Variants in ZNF664 observed in about 807,000 individuals in gnomAD.
ZNF664 encodes zinc finger Organ of Corti 1.
Under a neutral mutation model 18.2 loss-of-function variants are expected in ZNF664, and 10 were observed. That is an observed-to-expected ratio of 0.55 (90% CI 0.34 to 0.93). The LOEUF is 0.93. ZNF664 is among the 40% of genes least tolerant of loss of function. ZNF664 has a pLI of 0.02. For missense variants in ZNF664, 193 were observed against 319.0 expected, an observed-to-expected ratio of 0.61 and a Z score of 3.01; for synonymous variants, 119 against 104.2, an observed-to-expected ratio of 1.14 and a Z score of -0.86.
At chr12:123,986,922 AC>A (rs924305988) in intron 2 of ZNF664, among the ~76,000 whole-genome samples, 1 of 152,182 alleles carries the variant, frequency 6.6e-6, no homozygotes, top group African/African-American at 2.4e-5. Context: ...TCTAAGTTGA[AC>A]CTTTATTCCC....
At chr12:124,008,795 T>A (rs1364353311) in intron 3 of ZNF664, among the ~76,000 whole-genome samples, 1 of 152,196 alleles carries the variant, frequency 6.6e-6, no homozygotes, top group Admixed American at 6.5e-5. Flanking sequence ...CTCAGTTGCA[T>A]GATTGGCTCT....
At chr12:123,977,095 C>T (rs1955082035) in intron 2 of ZNF664, among the ~76,000 whole-genome samples, 1 of 152,012 alleles carries the variant, frequency 6.6e-6, no homozygotes, top group Admixed American at 6.6e-5. Flanking sequence ...AAACAAAACC[C>T]CCACAAATCC....
chr12:123,993,903 C>T (rs1185111951), intron 3 of ZNF664, among the ~76,000 whole-genome samples: 1 of 152,148 alleles, frequency 6.6e-6, no homozygotes, highest in South Asian at 2.1e-4. Flanking sequence ...GAGTGGGGCA[C>T]CCATGATGTC....
intron 2 of ZNF664, among the ~76,000 whole-genome samples, chr12:123,985,331 C>T (rs1269764568): frequency 6.6e-6 from 1 of 152,158 alleles, no homozygotes; most frequent in Non-Finnish European, 1.5e-5. Context: ...TCCTACTCTT[C>T]TCAGATTGAG....
At chr12:123,985,253 G>A (rs574017828) in intron 2 of ZNF664, among the ~76,000 whole-genome samples, 11 of 152,148 alleles carry the variant, frequency 7.2e-5, no homozygotes, top group Non-Finnish European at 1.6e-4. Context: ...GATTATTTTT[G>A]CTTTTTTGTT....
rs1209450712 is a variant in ZNF664, at chr12:123,973,961, G to A, written c.-816G>A. The A allele has an allele frequency of 1.1e-5, 13 of 1,231,948 alleles. No homozygotes were observed. In the East Asian group the frequency reaches 2.8e-4, roughly 27 times the overall value. 76.3% of individuals were successfully genotyped at this position (1,231,948 alleles called of 1,614,324 possible). Reference sequence around the variant, plus strand: ...AACCCCTCGCGCACCCAGCGCAGAAGGCTGCTGCCGCCGGACGCCTCCATT... The same window carrying A: ...AACCCCTCGCGCACCCAGCGCAGAAAGCTGCTGCCGCCGGACGCCTCCATT... On this transcript the variant is annotated 5_prime_UTR_variant, in exon 2 of 5. Transcript: ENST00000337815.
chr12:123,980,161 A>G (rs1956746776), intron 2 of ZNF664, among the ~76,000 whole-genome samples: 1 of 152,228 alleles, frequency 6.6e-6, no homozygotes. Context: ...AATTAGAAAA[A>G]GACTAGAATA....
At chr12:124,006,132 A>G (rs1416376819) in intron 3 of ZNF664, 2 of 152,346 alleles carry the variant, frequency 1.3e-5, no homozygotes, top group African/African-American at 4.8e-5. Context: ...ATTAGTCTTT[A>G]TTTCATATCC....
At chr12:123,992,711 T>G (rs150307020) in intron 3 of ZNF664, among the ~76,000 whole-genome samples, 1 of 152,326 alleles carries the variant, frequency 6.6e-6, no homozygotes, top group Non-Finnish European at 1.5e-5. Context: ...GAGCCCACTT[T>G]TAGAGGTCAT....
chr12:124,004,182 A>G (rs753587657), intron 3 of ZNF664, among the ~76,000 whole-genome samples: 9 of 152,186 alleles, frequency 5.9e-5, no homozygotes, highest in East Asian at 3.9e-4. Context: ...TCTGGGGGTG[A>G]TAGAGCTAGA....
intron 3 of ZNF664, among the ~76,000 whole-genome samples, chr12:123,993,821 C>G (rs1956915618): frequency 7.3e-6 from 1 of 136,434 alleles, no homozygotes; most frequent in African/African-American, 2.8e-5. Flanking sequence ...GCTTTGATTT[C>G]TGGGACTTCC....
At chr12:123,980,912 A>G (rs556249134) in intron 2 of ZNF664, among the ~76,000 whole-genome samples, 178 of 152,312 alleles carry the variant, frequency 1.2e-3, no homozygotes, top group African/African-American at 4.2e-3. Flanking sequence ...TGATAGCTAC[A>G]TGGCAAATAG....
intron 2 of ZNF664, among the ~76,000 whole-genome samples, chr12:123,981,823 C>T (rs191318978): frequency 1.3e-5 from 2 of 152,306 alleles, no homozygotes; most frequent in Admixed American, 1.3e-4. Context: ...CTATACATAG[C>T]TATGGTATTA....
At chr12:123,984,694 C>CT (rs1027331912) in intron 2 of ZNF664, among the ~76,000 whole-genome samples, 7 of 151,796 alleles carry the variant, frequency 4.6e-5, no homozygotes, top group African/African-American at 1.5e-4. Flanking sequence ...TTTATAGGGA[C>CT]TTTGAGTTTG....
chr12:123,986,145 T>A (rs1956822118), intron 2 of ZNF664, among the ~76,000 whole-genome samples: 1 of 152,128 alleles, frequency 6.6e-6, no homozygotes, highest in African/African-American at 2.4e-5. Context: ...TTGCCCAGAA[T>A]CTGTTTGTTT....
At position 124,013,056 on chromosome 12, in the gene ZNF664, G is replaced by T; in HGVS notation, c.*126G>T. The T allele has an allele frequency of 8.0e-7, 1 of 1,247,890 alleles. No individual in the cohort carries two copies. Among genetic ancestry groups the T allele is most frequent in the Non-Finnish European group, 1.1e-6 (1 of 915,162 alleles). The allele number at this position is 1,247,890 out of a possible 1,614,324, so 77.3% of individuals were successfully genotyped here. A position where few individuals can be genotyped will look rare whatever the true frequency, so the allele number is the denominator to read the frequency against. On this transcript the variant is annotated 3_prime_UTR_variant, in exon 5 of 5. Coordinates refer to ENST00000337815, the MANE Select transcript of ZNF664 (RefSeq NM_152437.3). The stretch of plus-strand genomic sequence containing the variant: ...CTAGCAGAACATTGTTTCTGAGGAG[G>T]CATATGTGAGATTGATTTGTTGGTT...
chr12:123,982,926 AGGCAGAT>A (rs1956783209), intron 2 of ZNF664, among the ~76,000 whole-genome samples: 1 of 152,194 alleles, frequency 6.6e-6, no homozygotes, highest in Non-Finnish European at 1.5e-5. Context: ...GGGCCAAGGC[AGGCAGAT>A]GGCTTGAGGC....
At chr12:124,007,093 TTTGG>T (rs1311457729) in intron 3 of ZNF664, among the ~76,000 whole-genome samples, 1 of 152,198 alleles carries the variant, frequency 6.6e-6, no homozygotes, top group East Asian at 1.9e-4. Flanking sequence ...CTTTCTGTTC[TTTGG>T]TTGGTCACGT....
At chr12:123,991,034 A>G (rs1282075833) in intron 3 of ZNF664, among the ~76,000 whole-genome samples, 1 of 152,226 alleles carries the variant, frequency 6.6e-6, no homozygotes, top group African/African-American at 2.4e-5. Context: ...CTACAGTCAG[A>G]CAGCTATTTA....
Sources: allele counts gnomAD v4.1 joint callset (sites outside exome capture counted in the v4.1 genomes callset), GRCh38; gene constraint gnomAD v4.1.1; transcripts MANE v1.5; gene names NCBI Gene and HGNC (gene_info 2026-07-23, HGNC 2026-07-21).